The following MORN2 variants were observed in gnomAD, a reference collection of about 807,000 sequenced individuals.
MORN2 encodes the protein MORN repeat-containing protein 2.
In MORN2, 15 loss-of-function variants were observed where a neutral mutation model predicts 13.4. The ratio of observed to expected loss-of-function variants is 1.12; its 90% CI spans 0.75 to 1.72. The LOEUF is 1.72. MORN2 is among the 40% of genes most tolerant of loss of function. MORN2 has a pLI of 0.00. For missense variants in MORN2, 168 were observed against 134.6 expected, an observed-to-expected ratio of 1.25 and a Z score of -1.23; for synonymous variants, 46 against 43.6, an observed-to-expected ratio of 1.06 and a Z score of -0.22.
At chr2:38,878,654 T>C (rs1489547125) in intron 1 of MORN2, among the ~76,000 whole-genome samples, 1 of 152,210 alleles carries the variant, frequency 6.6e-6, no homozygotes. Flanking sequence ...TCATCCCTTC[T>C]AAGAAGTTTT....
In MORN2 at chr2:38,881,475, G is replaced by A; in HGVS notation, c.250G>A (p.Gly84Arg). 6.5e-7 allele frequency: 1 copy of A among 1,539,012 alleles called. No homozygotes were observed. Among genetic ancestry groups the A allele is most frequent in the Non-Finnish European group, 8.7e-7 (1 of 1,143,178 alleles). The change falls in exon 4 of 5, where the codon GGA becomes AGA. Residue 84 changes from glycine (G) to arginine (R), a missense_variant. Transcript: ENST00000644631. ...TTTTGGAAGACTTGAGCATTTTTCA[G>A]GAGCAGTATATGAAGGACAATTTAA...
intron 1 of MORN2, among the ~76,000 whole-genome samples, chr2:38,879,783 T>A (rs1224631173): frequency 6.6e-6 from 1 of 152,338 alleles, no homozygotes; most frequent in East Asian, 1.9e-4. Flanking sequence ...TGTATTTTTT[T>A]AAAGGGTAGA....
In MORN2 at chr2:38,881,474, A is replaced by T. The variant is rs1170904651; in HGVS notation, c.249A>T (p.Ser83=). The T allele has an allele frequency of 7.8e-6, 12 of 1,539,394 alleles. No homozygotes were observed. The highest frequency in any genetic ancestry group is 1.0e-5 in the Non-Finnish European group (12 of 1,143,336). The change falls in exon 4 of 5, where the codon TCA becomes TCT. Residue 83 remains serine, a synonymous_variant. Coordinates refer to ENST00000644631, the MANE Select transcript of MORN2 (RefSeq NM_001145450.3). ...GTTTTGGAAGACTTGAGCATTTTTC[A>T]GGAGCAGTATATGAAGGACAATTTA...
intron 4 of MORN2, among the ~76,000 whole-genome samples, chr2:38,881,922 A>G (rs1430776715): frequency 2.0e-5 from 3 of 152,250 alleles, no homozygotes; most frequent in African/African-American, 2.4e-5. Flanking sequence ...GAGTGCTGAG[A>G]TTACAGGCGT....
chr2:38,877,517 G>C (rs1043582363), intron 1 of MORN2, among the ~76,000 whole-genome samples: 6 of 152,014 alleles, frequency 3.9e-5, no homozygotes, highest in African/African-American at 1.4e-4. Context: ...CTAAGATTTA[G>C]TGTTAATTAG....
chr2:38,882,660 C>T lies in MORN2; in HGVS notation c.*145C>T. The T allele has an allele frequency of 4.0e-6, 2 of 503,570 alleles. No individual in the cohort carries two copies. The highest frequency in any genetic ancestry group is 7.1e-6 in the Non-Finnish European group (2 of 283,204). 31.2% of individuals were successfully genotyped at this position (503,570 alleles called of 1,614,324 possible). A position where few individuals can be genotyped will look rare whatever the true frequency, so the allele number is the denominator to read the frequency against. On this transcript the variant is annotated 3_prime_UTR_variant, in exon 5 of 5. Transcript: ENST00000644631. The stretch of plus-strand genomic sequence containing the variant: ...CATCACCTGCTTACACCTTTTTGAA[C>T]TTTATATTCATTGTCTTACAATTAG...
chr2:38,876,105 G>C lies in MORN2; in HGVS notation c.53G>C (p.Arg18Pro). 2.5e-6 allele frequency: 1 copy of C among 398,660 alleles called. No homozygotes were observed. The highest frequency in any genetic ancestry group is 1.3e-4 in the South Asian group (1 of 7,862). 24.7% of individuals were successfully genotyped at this position (398,660 alleles called of 1,614,324 possible). A position where few individuals can be genotyped will look rare whatever the true frequency, so the allele number is the denominator to read the frequency against. The change falls in exon 1 of 5, where the codon CGG becomes CCG. Residue 18 changes from arginine (R) to proline (P), a missense_variant. Transcript: ENST00000644631. Reference sequence around the variant, plus strand: ...TTGGAAGATCTCTCTAACACCTCTCGGCCAAGTGAGTGTCCCTCCTCCTAA... The same window carrying C: ...TTGGAAGATCTCTCTAACACCTCTCCGCCAAGTGAGTGTCCCTCCTCCTAA...
At chr2:38,880,485 C>G (rs1040873117) in intron 2 of MORN2, 115 bp from the exon 3 acceptor site, 10 of 495,312 alleles carry the variant, frequency 2.0e-5, no homozygotes, top group Non-Finnish European at 3.4e-5. Context: ...TTTCTCATCT[C>G]TGGTCTCACT....
At chr2:38,881,664 T>A (rs747638035) in intron 4 of MORN2, 86 bp downstream of exon 4, 1 of 1,105,992 alleles carries the variant, frequency 9.0e-7, no homozygotes, top group Non-Finnish European at 1.2e-6. Flanking sequence ...ATTTATTTAT[T>A]TATTGAGACA....
chr2:38,882,230 T>G (rs1359763250), intron 4 of MORN2, among the ~76,000 whole-genome samples, 183 bp from the exon 5 acceptor site: 2 of 151,392 alleles, frequency 1.3e-5, no homozygotes, highest in Non-Finnish European at 2.9e-5. Context: ...GTTTTTTTTT[T>G]TTTTTTTTTG....
intron 1 of MORN2, 128 bp downstream of exon 1, chr2:38,876,238 C>A (rs531994854): frequency 2.5e-6 from 1 of 396,802 alleles, no homozygotes; most frequent in African/African-American, 2.1e-5. Context: ...GACCGTCTAG[C>A]CGAGGGGCAC....
chr2:38,882,399 T>C lies in MORN2; in HGVS notation c.354-14T>C. On this transcript the variant is annotated splice_polypyrimidine_tract_variant and intron_variant, in intron 4 of 4. Transcript: ENST00000644631. ...CATCTTTGTTAATGGAAAACTTATT[T>C]TCTACTATTGCAGGGTGGAAGGTGA... 6.6e-7 allele frequency: 1 copy of C among 1,507,266 alleles called. No individual in the cohort carries two copies. Among genetic ancestry groups the C allele is most frequent in the South Asian group, 1.2e-5 (1 of 81,642 alleles). The allele number at this position is 1,507,266 out of a possible 1,614,324, so 93.4% of individuals were successfully genotyped here. A position where few individuals can be genotyped will look rare whatever the true frequency, so the allele number is the denominator to read the frequency against.
intron 4 of MORN2, among the ~76,000 whole-genome samples, chr2:38,881,810 C>T (rs1665783588): frequency 6.6e-6 from 1 of 152,076 alleles, no homozygotes; most frequent in Non-Finnish European, 1.5e-5. Context: ...ACTACCACAC[C>T]CAGCTATTTT....
At chr2:38,876,387 C>T (rs1301360981) in intron 1 of MORN2, among the ~76,000 whole-genome samples, 1 of 152,220 alleles carries the variant, frequency 6.6e-6, no homozygotes, top group Non-Finnish European at 1.5e-5. Flanking sequence ...CCCTCTAGCT[C>T]TGACGTTCCC....
Position 38,876,013 on chromosome 2 carries a change from T to TGG in MORN2, c.-39_-38dup. 1 of 398,846 alleles carries TGG rather than the reference T, an allele frequency of 2.5e-6. No individual in the cohort carries two copies. Among genetic ancestry groups the TGG allele is most frequent in the South Asian group, 1.3e-4 (1 of 7,856 alleles). The allele number at this position is 398,846 out of a possible 1,614,324, so 24.7% of individuals were successfully genotyped here. ...GTCGCCCCAGCAACCAAGTCGCACC[T>TGG]GGAGCTGTCCTAGCGCCTAGTTCTC... On this transcript the variant is annotated 5_prime_UTR_variant, in exon 1 of 5. Coordinates refer to ENST00000644631, the MANE Select transcript of MORN2 (RefSeq NM_001145450.3).
At chr2:38,878,640 C>T (rs4670899) in intron 1 of MORN2, among the ~76,000 whole-genome samples, 93,065 of 152,004 alleles carry the variant, frequency 0.61, 30,148 homozygotes, top group East Asian at 0.82. Context: ...ATCTATTCTG[C>T]TTTTCATCCC....
In MORN2 at chr2:38,876,565, G is replaced by T. The variant is rs142033845; in HGVS notation, c.58+455G>T. ...ACTAAACACGGAGTCGGACAGTGGG[G>T]TGAGAAGAGATTTGACTAATCTGCC... On this transcript the variant is annotated intron_variant, in intron 1 of 4. Coordinates refer to ENST00000644631, the MANE Select transcript of MORN2 (RefSeq NM_001145450.3). 7.1e-3 allele frequency among the ~76,000 whole-genome samples: 1,086 copies of T among 152,336 alleles called. 16 individuals are homozygous for T. The highest frequency in any genetic ancestry group is 0.024 in the African/African-American group (1,010 of 41,564).
At chr2:38,882,098 A>G (rs1233320498) in intron 4 of MORN2, among the ~76,000 whole-genome samples, 1 of 152,256 alleles carries the variant, frequency 6.6e-6, no homozygotes, top group Non-Finnish European at 1.5e-5. Context: ...ATTAAGCTAG[A>G]TAACCGATAT....
rs1665798885 is a variant in MORN2 at position 38,882,432 on chromosome 2, T to C, written c.373T>C (p.Tyr125His). The change falls in exon 5 of 5, where the codon TAT (tyrosine) becomes CAT (histidine). Residue 125 changes from tyrosine to histidine, a missense_variant. By Grantham distance (83) the Tyr-to-His change is moderately conservative (BLOSUM62 2). Coordinates refer to ENST00000644631, the MANE Select transcript of MORN2 (RefSeq NM_001145450.3). The stretch of plus-strand genomic sequence containing the variant: ...TTGCAGGGTGGAAGGTGAAGGGGAA[T>C]ATACTGATATCCAAGGACTAGAATG... 1 of 1,549,096 alleles carries C rather than the reference T, an allele frequency of 6.5e-7. No individual in the cohort carries two copies. Among genetic ancestry groups the C allele is most frequent in the East Asian group, 2.5e-5 (1 of 40,784 alleles).
Sources: allele counts gnomAD v4.1 joint callset (sites outside exome capture counted in the v4.1 genomes callset), GRCh38; gene constraint gnomAD v4.1.1; transcripts MANE v1.5; gene names NCBI Gene and HGNC (gene_info 2026-07-23, HGNC 2026-07-21).